Variants in GARRE1 observed in about 807,000 individuals in gnomAD.
GARRE1 encodes granule associated Rac and RHOG effector protein 1.
Under a neutral mutation model 103.2 loss-of-function variants are expected in GARRE1, and 49 were observed. That is an observed-to-expected ratio of 0.47 (90% confidence interval 0.38 to 0.60). The LOEUF (loss-of-function observed/expected upper bound fraction) is 0.60, where lower values mean the gene tolerates loss of function less well. Ranked by LOEUF, GARRE1 falls within the 20% of genes least tolerant of loss-of-function variation. The pLI, the probability that GARRE1 is intolerant of heterozygous loss-of-function variation, is 0.00. For synonymous variants in GARRE1, 505 were observed against 532.8 expected, an observed-to-expected ratio of 0.95 and a Z score of 0.72; for missense variants, 1,199 against 1,370.5, an observed-to-expected ratio of 0.87 and a Z score of 1.98.
chr19:34,284,582 A>G (rs1236915705), intron 1 of GARRE1, among the ~76,000 whole-genome samples: 1 of 152,222 alleles, frequency 6.6e-6, no homozygotes, highest in East Asian at 1.9e-4. Context: ...GTTACTTAAA[A>G]TGTTCTTTTC....
chr19:34,351,216 A>AAT (rs1568314334), intron 12 of GARRE1, among the ~76,000 whole-genome samples: 3 of 149,224 alleles, frequency 2.0e-5, no homozygotes, highest in Admixed American at 6.7e-5. Flanking sequence ...AAAAAAAATA[A>AAT]AATAATAATA....
chr19:34,289,476 C>T (rs961930797), intron 1 of GARRE1, among the ~76,000 whole-genome samples: 2 of 151,438 alleles, frequency 1.3e-5, no homozygotes, highest in African/African-American at 4.9e-5. Flanking sequence ...CCTGTAATCC[C>T]AGCACTTTGG....
intron 1 of GARRE1, among the ~76,000 whole-genome samples, chr19:34,267,994 G>A (rs896908313): frequency 2.6e-5 from 4 of 151,504 alleles, no homozygotes; most frequent in Admixed American, 6.6e-5. Context: ...GGCTGGTCTC[G>A]AACTCTTGAC....
At chr19:34,302,769 G>A (rs2073987059) in intron 2 of GARRE1, among the ~76,000 whole-genome samples, 1 of 137,454 alleles carries the variant, frequency 7.3e-6, no homozygotes. Flanking sequence ...TTAAAAGACA[G>A]AGTCTCTCTC....
At chr19:34,293,715 A>AACACACACACAC (rs146336774) in intron 1 of GARRE1, among the ~76,000 whole-genome samples, 8,636 of 100,384 alleles carry the variant, frequency 0.086, 635 homozygotes, top group African/African-American at 0.18. Flanking sequence ...TAAACATATA[A>AACACACACACAC]ACACACACAC....
At position 34,320,447 on chromosome 19, in the gene GARRE1, T is replaced by G. The variant is rs78705834; in HGVS notation, c.705+331T>G. On this transcript the variant is annotated intron_variant, in intron 3 of 13. Transcript: ENST00000299505. ...TGAACGGTAGTGCTGCAGGAAAGCTTCTAAGATGGGGGACCAGTGAGAAGA... is the reference window on the plus strand; with the variant it reads ...TGAACGGTAGTGCTGCAGGAAAGCTGCTAAGATGGGGGACCAGTGAGAAGA... 3.8e-3 allele frequency among the ~76,000 whole-genome samples: 579 copies of G among 152,208 alleles called. 3 individuals carry two copies. Among genetic ancestry groups the G allele is most frequent in the African/African-American group, 0.013 (549 of 41,534 alleles).
chr19:34,338,244 A>G (rs1347594769), intron 8 of GARRE1, among the ~76,000 whole-genome samples: 2 of 152,270 alleles, frequency 1.3e-5, no homozygotes, highest in African/African-American at 4.8e-5. Context: ...CCTCTCAGAA[A>G]AGGGCTCTTG....
chr19:34,255,325 T>C (rs1453848602), intron 1 of GARRE1, among the ~76,000 whole-genome samples: 1 of 152,250 alleles, frequency 6.6e-6, no homozygotes, highest in African/African-American at 2.4e-5. Context: ...ATAAGAATTT[T>C]GTTTAGACTT....
At chr19:34,257,160 C>CTTT (rs71165639) in intron 1 of GARRE1, among the ~76,000 whole-genome samples, 1 of 149,898 alleles carries the variant, frequency 6.7e-6, no homozygotes. Flanking sequence ...TTTAAGCATC[C>CTTT]TTTTTTTTTT....
intron 1 of GARRE1, among the ~76,000 whole-genome samples, chr19:34,254,994 C>A (rs1245720508): frequency 6.6e-6 from 1 of 151,774 alleles, no homozygotes; most frequent in African/African-American, 2.4e-5. Context: ...CGCCAGGACC[C>A]GCTCCCGGAA....
In GARRE1 at chr19:34,347,794, G is replaced by T; in HGVS notation, c.2522-83G>T. On this transcript the variant is annotated intron_variant, in intron 10 of 13. Coordinates refer to ENST00000299505, the MANE Select transcript of GARRE1 (RefSeq NM_014686.5). ...CCTCACTGCCTTTCATTGCATGTGT[G>T]ACCAGCACGTTAGCAAAGCGTAGGG... 4 of 1,300,112 alleles carry T rather than the reference G, an allele frequency of 3.1e-6. No homozygotes were observed. In the South Asian group the frequency reaches 6.6e-5, roughly 21 times the overall value. 80.5% of individuals were successfully genotyped at this position (1,300,112 alleles called of 1,614,324 possible).
chr19:34,347,272 A>G lies in GARRE1; in HGVS notation c.2522-605A>G, dbSNP rs368609480. 9.9e-5 allele frequency among the ~76,000 whole-genome samples: 15 copies of G among 151,670 alleles called. No individual in the cohort carries two copies. The East Asian group carries it at 1.2e-3, about 12-fold the overall frequency. ...CCCAGCTAATTTTTGTATTTTTAGT[A>G]GTGGTGACAGGGTTTCACCATCTTG... On this transcript the variant is annotated intron_variant, in intron 10 of 13. Coordinates refer to ENST00000299505, the MANE Select transcript of GARRE1 (RefSeq NM_014686.5).
chr19:34,333,682 T>TTG, intron 7 of GARRE1, 22 bp from the exon 8 acceptor site: 2 of 1,233,576 alleles, frequency 1.6e-6, no homozygotes, highest in Non-Finnish European at 2.3e-6. Flanking sequence ...TATTTGTTTT[T>TTG]TTTTTTTTTT....
intron 1 of GARRE1, among the ~76,000 whole-genome samples, chr19:34,268,114 T>C (rs967495858): frequency 6.6e-6 from 1 of 151,992 alleles, no homozygotes; most frequent in South Asian, 2.1e-4. Flanking sequence ...AAATAAATTA[T>C]TTTCACCCCC....
Position 34,272,782 on chromosome 19 carries a change from A to G in GARRE1, c.-796+18168A>G, listed in dbSNP as rs2073795499. Among the ~76,000 whole-genome samples, 6 of 152,244 alleles carry G rather than the reference A, an allele frequency of 3.9e-5. No individual in the cohort carries two copies. The South Asian group carries it at 1.2e-3, about 31-fold the overall frequency. Reference sequence around the variant, plus strand: ...AATGGAGAGCTCAACCTGTGGCAGCAGATTGCCATGTCCCAGACCTAGCTG... The same window carrying G: ...AATGGAGAGCTCAACCTGTGGCAGCGGATTGCCATGTCCCAGACCTAGCTG... On this transcript the variant is annotated intron_variant, in intron 1 of 13. Transcript: ENST00000299505.
intron 1 of GARRE1, among the ~76,000 whole-genome samples, chr19:34,264,321 A>C (rs1178764536): frequency 6.6e-6 from 1 of 152,188 alleles, no homozygotes; most frequent in African/African-American, 2.4e-5. Flanking sequence ...AGCCAGCCTG[A>C]GGCAGGCAGA....
chr19:34,331,626 G>A (rs77568619), intron 7 of GARRE1, among the ~76,000 whole-genome samples: 4,671 of 152,212 alleles, frequency 0.031, 237 homozygotes, highest in African/African-American at 0.11. Context: ...TCACCATTTA[G>A]CTTTTTGTTT....
chr19:34,292,413 A>G (rs181007510), intron 1 of GARRE1, among the ~76,000 whole-genome samples: 85 of 152,308 alleles, frequency 5.6e-4, no homozygotes, highest in Non-Finnish European at 9.4e-4. Context: ...TTTGACTATT[A>G]TGAATAATGC....
Position 34,300,811 on chromosome 19 carries a change from C to T in GARRE1, c.338C>T (p.Ala113Val), listed in dbSNP as rs779115366. ...TVFRNSHYSK[A>V]ATQLKDVQEH... ...TTCAGGAACTCTCACTACTCAAAGG[C>T]AGCCACACAGCTCAAAGATGTGCAG... Residue 113 changes from alanine (A) to valine (V), a missense_variant, in exon 2 of 14, where the codon GCA becomes GTA. Transcript: ENST00000299505. The T allele has an allele frequency of 1.2e-6, 2 of 1,614,116 alleles. No individual in the cohort carries two copies. The highest frequency in any genetic ancestry group is 3.3e-5 in the Admixed American group (2 of 60,010).
Sources: allele counts gnomAD v4.1 joint callset (sites outside exome capture counted in the v4.1 genomes callset), GRCh38; gene constraint gnomAD v4.1.1; transcripts MANE v1.5; gene names NCBI Gene and HGNC (gene_info 2026-07-23, HGNC 2026-07-21).